DLEC1: variants seen among roughly 807,000 people sequenced by gnomAD.
The protein encoded by DLEC1 is DLEC1 cilia and flagella associated protein.
In DLEC1, 146 loss-of-function variants were observed where a neutral mutation model predicts 198.1. That is an observed-to-expected ratio of 0.74 (90% CI 0.64 to 0.85). DLEC1 has a LOEUF of 0.85. Ranked by LOEUF, DLEC1 falls within the 40% of genes least tolerant of loss-of-function variation. The probability of loss-of-function intolerance (pLI) is 0.00; values close to 1 mark genes in which losing one functional copy is unlikely to be tolerated. For synonymous variants in DLEC1, 897 were observed against 866.8 expected, an observed-to-expected ratio of 1.03 and a Z score of -0.61; for missense variants, 2,233 against 2,220.0, an observed-to-expected ratio of 1.01 and a Z score of -0.12.
At position 38,054,158 on chromosome 3, in the gene DLEC1, C is replaced by G. The variant is rs867341042; in HGVS notation, c.563-5584C>G. Among the ~76,000 whole-genome samples, 10 of 151,964 alleles carry G rather than the reference C, an allele frequency of 6.6e-5. No homozygotes were observed. The South Asian group carries it at 2.1e-3, about 32-fold the overall frequency. On this transcript the variant is annotated intron_variant, in intron 2 of 36. Coordinates refer to ENST00000308059, the MANE Select transcript of DLEC1 (RefSeq NM_007335.4). ...TATTGTCCTATGACCCTGCCAAATC[C>G]CCCTCTCCGAGAAACACCCAAGAAT...
At chr3:38,084,122 T>C (rs775694739) in intron 6 of DLEC1, 36 bp from the exon 7 acceptor site, 1 of 1,591,018 alleles carries the variant, frequency 6.3e-7, no homozygotes, top group South Asian at 1.1e-5. Context: ...TCTATAAGTG[T>C]TGCTGTCTAA....
intron 2 of DLEC1, among the ~76,000 whole-genome samples, chr3:38,049,120 C>A (rs1163529289): frequency 6.6e-6 from 1 of 151,284 alleles, no homozygotes; most frequent in African/African-American, 2.4e-5. Flanking sequence ...AACCAGGAGA[C>A]AAATGTCAGT....
At chr3:38,097,473 T>C (rs761352847) in intron 16 of DLEC1, 34 bp from the exon 17 acceptor site, 33 of 1,611,574 alleles carry the variant, frequency 2.0e-5, no homozygotes, top group Middle Eastern at 3.3e-4. Context: ...CCTCTGCTTC[T>C]CCTCTCCACC....
intron 35 of DLEC1, 34 bp from the exon 36 acceptor site, chr3:38,122,037 T>C (rs377622342): frequency 1.1e-4 from 185 of 1,609,886 alleles, no homozygotes; most frequent in Non-Finnish European, 1.3e-4. Context: ...TGGGGCTGCC[T>C]GCACTCATGT....
rs1349590725 is a variant in DLEC1, at chr3:38,085,274, G to A, written c.1262G>A (p.Gly421Glu). The A allele has an allele frequency of 1.9e-6, 3 of 1,614,010 alleles. No homozygotes were observed. The African/African-American group carries it at 4.0e-5, about 22-fold the overall frequency. ...CACTTGTCACTTTTGTCATGCACAG[G>A]GATGTTCCCAGGAAAAGGTGGAATG... is the stretch of plus-strand genomic sequence containing the variant. ...PSTPYFALGL[G>E]MFPGKGGMVA... Residue 421 changes from glycine (G) to glutamate (E), a missense_variant and splice_region_variant, in exon 8 of 37, where the codon GGG becomes GAG. Coordinates refer to ENST00000308059, the MANE Select transcript of DLEC1 (RefSeq NM_007335.4).
rs774646811 is a variant in DLEC1 at position 38,114,325 on chromosome 3, C to A, written c.3667-17C>A. On this transcript the variant is annotated splice_polypyrimidine_tract_variant and intron_variant, in intron 25 of 36. Coordinates refer to ENST00000308059, the MANE Select transcript of DLEC1 (RefSeq NM_007335.4). ...AACCGGTGACAGGAGTGACAAAGGG[C>A]TGGGGTGTGTTTGCAGGTGGGAGAC... 6.2e-7 allele frequency: 1 copy of A among 1,612,836 alleles called. No homozygotes were observed. Among genetic ancestry groups the A allele is most frequent in the Admixed American group, 1.7e-5 (1 of 60,012 alleles).
At chr3:38,052,623 G>C (rs1267023151) in intron 2 of DLEC1, among the ~76,000 whole-genome samples, 3 of 152,212 alleles carry the variant, frequency 2.0e-5, no homozygotes, top group Non-Finnish European at 2.9e-5. Flanking sequence ...TGTGGAGTTG[G>C]AACTGCGCCC....
chr3:38,096,516 A>G (rs1402406883), intron 14 of DLEC1, 53 bp from the exon 15 acceptor site: 10 of 1,574,786 alleles, frequency 6.4e-6, no homozygotes, highest in Non-Finnish European at 8.6e-6. Flanking sequence ...GGGACACTCT[A>G]GGATGTGCTT....
chr3:38,110,106 C>A lies in DLEC1; in HGVS notation c.3268C>A (p.Gln1090Lys). 1 of 1,613,910 alleles carries A rather than the reference C, an allele frequency of 6.2e-7. No homozygotes were observed. ...SKESSDCSTE[Q>K]WPGHPKELRL... ...ACAGGACAGTGTTTTCAGCACAGAG[C>A]AGTGGCCAGGCCACCCAAAGGAGCT... Residue 1090 changes from glutamine (Q) to lysine (K), a missense_variant, in exon 23 of 37, where the codon CAG becomes AAG. Physicochemically the swap from Gln to Lys is moderately conservative, Grantham distance 53. Coordinates refer to ENST00000308059, the MANE Select transcript of DLEC1 (RefSeq NM_007335.4).
intron 3 of DLEC1, among the ~76,000 whole-genome samples, chr3:38,060,363 G>T (rs764656664): frequency 6.6e-6 from 1 of 152,166 alleles, no homozygotes; most frequent in Non-Finnish European, 1.5e-5. Context: ...AATGAGTGGG[G>T]TGGGAGGCTG....
At position 38,122,794 on chromosome 3, in the gene DLEC1, G is replaced by A; in HGVS notation, c.*382G>A. 1 of 1,063,592 alleles carries A rather than the reference G, an allele frequency of 9.4e-7. No individual in the cohort carries two copies. The highest frequency in any genetic ancestry group is 1.3e-6 in the Non-Finnish European group (1 of 767,324). 65.9% of individuals were successfully genotyped at this position (1,063,592 alleles called of 1,614,324 possible). The stretch of plus-strand genomic sequence containing the variant: ...TGCCTTAAGAATTAACCATGGCCTT[G>A]TGGCCTGGGTGACCCAGGCTGCTTT... On this transcript the variant is annotated 3_prime_UTR_variant, in exon 37 of 37. Coordinates refer to ENST00000308059, the MANE Select transcript of DLEC1 (RefSeq NM_007335.4).
Position 38,116,971 on chromosome 3 carries a change from C to T in DLEC1, c.4180-4C>T. 6.2e-7 allele frequency: 1 copy of T among 1,613,670 alleles called. No individual in the cohort carries two copies. The highest frequency in any genetic ancestry group is 8.5e-7 in the Non-Finnish European group (1 of 1,179,896). ...CAGTGCTAAGGCTGCTGTGTCTATG[C>T]CAGGTGGTCCCTGCTGGGGGCAGCA... On this transcript the variant is annotated splice_region_variant and splice_polypyrimidine_tract_variant and intron_variant, in intron 29 of 36. Coordinates refer to ENST00000308059, the MANE Select transcript of DLEC1 (RefSeq NM_007335.4).
intron 2 of DLEC1, chr3:38,051,803 C>G (rs748443096): frequency 6.4e-6 from 1 of 155,092 alleles, no homozygotes; most frequent in Non-Finnish European, 1.5e-5. Context: ...ATTTTCTACT[C>G]TCTACAAATG....
chr3:38,060,198 T>C (rs1423766288), intron 3 of DLEC1, among the ~76,000 whole-genome samples: 1 of 152,164 alleles, frequency 6.6e-6, no homozygotes, highest in Non-Finnish European at 1.5e-5. Flanking sequence ...CCTGATGAGT[T>C]GGAGCAGGGA....
At chr3:38,081,170 T>C (rs1697963420) in intron 6 of DLEC1, among the ~76,000 whole-genome samples, 5 of 140,254 alleles carry the variant, frequency 3.6e-5, no homozygotes, top group African/African-American at 1.4e-4. Context: ...GGCAGAGGAA[T>C]TTTTCTTAGT....
intron 2 of DLEC1, among the ~76,000 whole-genome samples, chr3:38,058,055 A>G (rs1392215497): frequency 1.3e-5 from 2 of 152,212 alleles, no homozygotes; most frequent in African/African-American, 4.8e-5. Context: ...CGCCTGCCTC[A>G]GCCTCCCAAA....
At position 38,107,723 on chromosome 3, in the gene DLEC1, T is replaced by A. The variant is rs759120342; in HGVS notation, c.3004T>A (p.Phe1002Ile). ...CAATGGCACGCTCCTGCCTACCCAG[T>A]TCCACTGGGGCAAGGTGAGTGAGCC... ...LINGTLLPTQ[F>I]HWGKLLGHQA... The change falls in exon 20 of 37, where the codon TTC (phenylalanine) becomes ATC (isoleucine). Residue 1002 changes from phenylalanine to isoleucine, a missense_variant. Physicochemically the swap from Phe to Ile is conservative, Grantham distance 21. Transcript: ENST00000308059. 1.2e-6 allele frequency: 2 copies of A among 1,613,808 alleles called. No individual in the cohort carries two copies. The highest frequency in any genetic ancestry group is 2.2e-5 in the South Asian group (2 of 91,042).
At position 38,123,012 on chromosome 3, in the gene DLEC1, A is replaced by G; in HGVS notation, c.*600A>G. ...ACTGCCTTGCTGCTAGAGCAGCAGG[A>G]CTGTCTGCGTAGCGCCTCCAGCCTG... On this transcript the variant is annotated 3_prime_UTR_variant, in exon 37 of 37. Transcript: ENST00000308059. 2 of 1,606,414 alleles carry G rather than the reference A, an allele frequency of 1.2e-6. No individual in the cohort carries two copies. Among genetic ancestry groups the G allele is most frequent in the Non-Finnish European group, 8.5e-7 (1 of 1,173,568 alleles).
rs2229529 is a variant in DLEC1, at chr3:38,123,071, G to T, written c.*659G>T. On this transcript the variant is annotated 3_prime_UTR_variant, in exon 37 of 37. Coordinates refer to ENST00000308059, the MANE Select transcript of DLEC1 (RefSeq NM_007335.4). ...CTCAGTTCCCAGGGTATTCAAAGAC[G>T]GCAGCGGCTCCCATTCCAGTCCCGA... 5.0e-6 allele frequency: 8 copies of T among 1,614,142 alleles called. No homozygotes were observed. Among genetic ancestry groups the T allele is most frequent in the Middle Eastern group, 1.7e-4 (1 of 6,058 alleles).
Sources: allele counts gnomAD v4.1 joint callset (sites outside exome capture counted in the v4.1 genomes callset), GRCh38; gene constraint gnomAD v4.1.1; transcripts MANE v1.5; gene names NCBI Gene and HGNC (gene_info 2026-07-23, HGNC 2026-07-21).